The following UBTD2 variants were observed in gnomAD, a reference collection of about 807,000 sequenced individuals.
UBTD2 encodes the protein ubiquitin domain containing 2.
A neutral mutation model predicts 19.8 loss-of-function variants in UBTD2; 9 were observed. That is an observed-to-expected ratio of 0.46 (90% confidence interval 0.27 to 0.79). UBTD2 has a LOEUF of 0.79. UBTD2 is among the 30% of genes least tolerant of loss of function. The pLI, the probability that UBTD2 is intolerant of heterozygous loss-of-function variation, is 0.14. For missense variants in UBTD2, 250 were observed against 300.4 expected (o/e 0.83, Z 1.24); for synonymous variants, 98 against 103.9 (o/e 0.94, Z 0.35).
In UBTD2 at chr5:172,226,279, T is replaced by C. The variant is rs574528636; in HGVS notation, c.307+7843A>G. Among the ~76,000 whole-genome samples, 3 of 149,896 alleles carry C rather than the reference T, an allele frequency of 2.0e-5. No individual in the cohort carries two copies. In the East Asian group the frequency reaches 5.9e-4, roughly 30 times the overall value. ...GTTCAGGCAGTATACTCAAGCCTGATAGAGGGACATAAGACTCCAGGAGAA... is the reference window on the plus strand; with the variant it reads ...GTTCAGGCAGTATACTCAAGCCTGACAGAGGGACATAAGACTCCAGGAGAA... On this transcript the variant is annotated intron_variant, in intron 2 of 2. Transcript: ENST00000393792.
chr5:172,236,992 C>T (rs533182861), intron 1 of UBTD2, among the ~76,000 whole-genome samples: 2 of 152,258 alleles, frequency 1.3e-5, no homozygotes, highest in South Asian at 2.1e-4. Context: ...CACCTCTCTC[C>T]GTTTGTACTA....
At chr5:172,263,993 T>G (rs1195839812) in intron 1 of UBTD2, among the ~76,000 whole-genome samples, 1 of 152,134 alleles carries the variant, frequency 6.6e-6, no homozygotes, top group African/African-American at 2.4e-5. Flanking sequence ...TAGGCTCTAA[T>G]TTTTATATGG....
At chr5:172,264,909 A>G (rs1018816525) in intron 1 of UBTD2, among the ~76,000 whole-genome samples, 2 of 152,144 alleles carry the variant, frequency 1.3e-5, no homozygotes, top group Admixed American at 1.3e-4. Context: ...AACAAAACAA[A>G]AAAAATTCAG....
chr5:172,270,034 G>T (rs13182813), intron 1 of UBTD2, among the ~76,000 whole-genome samples: 2 of 151,216 alleles, frequency 1.3e-5, no homozygotes, highest in Non-Finnish European at 3.0e-5. Flanking sequence ...CCGAGATCAC[G>T]CCATTGCACT....
At chr5:172,225,308 A>C (rs1375389095) in intron 2 of UBTD2, among the ~76,000 whole-genome samples, 1 of 152,204 alleles carries the variant, frequency 6.6e-6, no homozygotes, top group Non-Finnish European at 1.5e-5. Flanking sequence ...TGATTGGCTC[A>C]GATGTTTCTG....
chr5:172,218,799 A>AAAAAAAAAAAAAAAAAAT (rs1561849260), intron 2 of UBTD2, among the ~76,000 whole-genome samples: 1 of 59,738 alleles, frequency 1.7e-5, no homozygotes, highest in African/African-American at 9.2e-5. Context: ...ATAAAAAAAT[A>AAAAAAAAAAAAAAAAAAT]AAAAAAAAAA....
chr5:172,214,738 T>G (rs1771511354), intron 2 of UBTD2, among the ~76,000 whole-genome samples: 2 of 152,338 alleles, frequency 1.3e-5, no homozygotes, highest in Middle Eastern at 6.8e-3. Flanking sequence ...TGTTTTTTAT[T>G]TAATATGGAA....
intron 1 of UBTD2, among the ~76,000 whole-genome samples, chr5:172,263,439 T>C (rs1755312127): frequency 6.6e-6 from 1 of 152,196 alleles, no homozygotes; most frequent in Non-Finnish European, 1.5e-5. Flanking sequence ...AAGCATGTAA[T>C]ATAAAGGCAT....
intron 2 of UBTD2, among the ~76,000 whole-genome samples, chr5:172,227,130 G>A (rs1250990615): frequency 6.6e-6 from 1 of 152,118 alleles, no homozygotes; most frequent in African/African-American, 2.4e-5. Context: ...TACTCCCTGG[G>A]ACCATGTAGA....
chr5:172,213,840 G>A (rs981904522), intron 2 of UBTD2, among the ~76,000 whole-genome samples: 16 of 152,156 alleles, frequency 1.1e-4, no homozygotes, highest in African/African-American at 3.6e-4. Flanking sequence ...AGGCTGGAGT[G>A]CAATGGCGCA....
intron 1 of UBTD2, among the ~76,000 whole-genome samples, 169 bp from the exon 2 acceptor site, chr5:172,234,527 A>G (rs1380695340): frequency 1.3e-5 from 2 of 152,248 alleles, no homozygotes; most frequent in African/African-American, 2.4e-5. Flanking sequence ...TTGGAACTAC[A>G]AAAGTGAATA....
intron 1 of UBTD2, among the ~76,000 whole-genome samples, chr5:172,241,052 C>CTTTTTTTTTTTTTTTTT (rs35160270): frequency 6.8e-6 from 1 of 147,332 alleles, no homozygotes. Context: ...CATGAGTTAA[C>CTTTTTTTTTTTTTTTTT]TTTTTTTTTT....
chr5:172,232,186 T>C (rs961658087), intron 2 of UBTD2, among the ~76,000 whole-genome samples: 2 of 152,018 alleles, frequency 1.3e-5, no homozygotes, highest in African/African-American at 2.4e-5. Flanking sequence ...GGCATGAAAA[T>C]TGCTTGAACC....
chr5:172,265,643 T>C (rs2113109054), intron 1 of UBTD2, among the ~76,000 whole-genome samples: 1 of 152,102 alleles, frequency 6.6e-6, no homozygotes, highest in East Asian at 1.9e-4. Context: ...AGTAGTAAAC[T>C]TTTCATTCTC....
intron 1 of UBTD2, among the ~76,000 whole-genome samples, chr5:172,268,691 G>A (rs1423821169): frequency 6.6e-6 from 1 of 152,170 alleles, no homozygotes; most frequent in East Asian, 1.9e-4. Flanking sequence ...AACGGTTGCA[G>A]TGAGCAGAGA....
intron 2 of UBTD2, among the ~76,000 whole-genome samples, chr5:172,233,743 G>T (rs924868970): frequency 6.7e-6 from 1 of 148,642 alleles, no homozygotes; most frequent in Non-Finnish European, 1.5e-5. Flanking sequence ...TATCTCTAGC[G>T]CTGCTAGGAG....
rs577861622 is a variant in UBTD2, at chr5:172,224,339, G to A, written c.307+9783C>T. Reference sequence around the variant, plus strand: ...TTTTGAGACAGAATCTCACCCTGTCGCCCAGGCTGGAGTGAGGTGGCACAA... The same window carrying A: ...TTTTGAGACAGAATCTCACCCTGTCACCCAGGCTGGAGTGAGGTGGCACAA... On this transcript the variant is annotated intron_variant, in intron 2 of 2. Coordinates refer to ENST00000393792, the MANE Select transcript of UBTD2 (RefSeq NM_152277.3). Among the ~76,000 whole-genome samples the A allele has an allele frequency of 2.3e-5, 3 of 131,702 alleles. No individual in the cohort carries two copies. The South Asian group carries it at 7.2e-4, about 32-fold the overall frequency. 86.4% of individuals were successfully genotyped at this position (131,702 alleles called of 152,430 possible).
intron 1 of UBTD2, among the ~76,000 whole-genome samples, chr5:172,264,626 C>T (rs1755337063): frequency 6.6e-6 from 1 of 151,392 alleles, no homozygotes; most frequent in Non-Finnish European, 1.5e-5. Flanking sequence ...GCCTGTAATC[C>T]ACTTTGGGAG....
intron 1 of UBTD2, among the ~76,000 whole-genome samples, chr5:172,278,390 G>A (rs909851441): frequency 2.6e-5 from 4 of 151,968 alleles, no homozygotes; most frequent in Non-Finnish European, 4.4e-5. Context: ...GTGGTGGTGC[G>A]TACCTATAAT....
Sources: gnomAD v4.1 joint callset for allele counts (sites outside exome capture counted in the v4.1 genomes callset) on GRCh38, gnomAD v4.1.1 for gene constraint, MANE v1.5 for transcripts, NCBI Gene and HGNC (gene_info 2026-07-23, HGNC 2026-07-21) for gene names.